Variants in PALM2AKAP2 observed in about 807,000 individuals in gnomAD.
The protein encoded by PALM2AKAP2 is PALM2 and AKAP2 fusion, also known as PALM2-AKAP2 fusion protein.
In PALM2AKAP2, 37 loss-of-function variants were observed where a neutral mutation model predicts 71.5. The ratio of observed to expected loss-of-function variants is 0.52; its 90% CI spans 0.40 to 0.68. PALM2AKAP2 has a LOEUF of 0.68. PALM2AKAP2 is among the 30% of genes least tolerant of loss of function. The pLI, the probability that PALM2AKAP2 is intolerant of heterozygous loss-of-function variation, is 0.00. For missense variants in PALM2AKAP2, 1,224 were observed against 1,191.8 expected, an observed-to-expected ratio of 1.03 and a Z score of -0.40; for synonymous variants, 468 against 478.8, an observed-to-expected ratio of 0.98 and a Z score of 0.29.
rs567959084 is a variant in PALM2AKAP2 at position 110,088,583 on chromosome 9, C to T, written c.156+39728C>T. 1.6e-4 allele frequency among the ~76,000 whole-genome samples: 24 copies of T among 151,710 alleles called. 1 individual carries two copies. The South Asian group carries it at 2.9e-3, about 18-fold the overall frequency. On this transcript the variant is annotated intron_variant, in intron 1 of 3. Transcript: ENST00000374525. Reference sequence around the variant, plus strand: ...TTTTGATTCAGTTCTAGGTAGTCAGCGTGAATTGGCTTTAGGTTCCCTGCC... The same window carrying T: ...TTTTGATTCAGTTCTAGGTAGTCAGTGTGAATTGGCTTTAGGTTCCCTGCC...
chr9:109,907,137 C>T (rs1431290901), intron 3 of PALM2AKAP2, among the ~76,000 whole-genome samples: 1 of 152,176 alleles, frequency 6.6e-6, no homozygotes, highest in Non-Finnish European at 1.5e-5. Context: ...TGCCCTGCCT[C>T]CCCACAAGCA....
At chr9:109,996,398 C>G (rs912696205) in intron 6 of PALM2AKAP2, among the ~76,000 whole-genome samples, 1 of 152,110 alleles carries the variant, frequency 6.6e-6, no homozygotes, top group Non-Finnish European at 1.5e-5. Flanking sequence ...AGGAACAGTC[C>G]CTTGAACTTG....
chr9:109,979,267 A>G (rs1181336887), intron 6 of PALM2AKAP2, among the ~76,000 whole-genome samples: 1 of 152,194 alleles, frequency 6.6e-6, no homozygotes, highest in Non-Finnish European at 1.5e-5. Context: ...TGCTGGGATT[A>G]CAAGTGTTAG....
At chr9:109,782,885 C>T (rs1210544132) in intron 1 of PALM2AKAP2, among the ~76,000 whole-genome samples, 1 of 151,980 alleles carries the variant, frequency 6.6e-6, no homozygotes, top group African/African-American at 2.4e-5. Context: ...CTAGTGCCTA[C>T]TCTTCTGAAT....
At chr9:110,048,906 G>C in intron 1 of PALM2AKAP2, 1 of 1,446,342 alleles carries the variant, frequency 6.9e-7, no homozygotes, top group Non-Finnish European at 9.0e-7. Context: ...TCGAGTGTGA[G>C]GAAGGGGTGG....
At chr9:110,045,606 C>T (rs866185925), upstream of PALM2AKAP2, among the ~76,000 whole-genome samples, 4 of 152,072 alleles carry the variant, frequency 2.6e-5, no homozygotes, top group South Asian at 2.1e-4. Flanking sequence ...CTCTCTCTGT[C>T]GCCCAGGCTG....
chr9:109,818,775 G>C (rs903975775), intron 1 of PALM2AKAP2, among the ~76,000 whole-genome samples: 2 of 152,128 alleles, frequency 1.3e-5, no homozygotes, highest in African/African-American at 4.8e-5. Flanking sequence ...TTCGAAATAA[G>C]ACTTAGGTAC....
At chr9:109,739,489 A>T (rs894084559) in intron 1 of PALM2AKAP2, among the ~76,000 whole-genome samples, 3 of 152,230 alleles carry the variant, frequency 2.0e-5, no homozygotes, top group Non-Finnish European at 4.4e-5. Context: ...GATTCAAAAC[A>T]TTCAAGAGTT....
chr9:110,146,612 G>T (rs1488101242), intron 2 of PALM2AKAP2, among the ~76,000 whole-genome samples: 1 of 152,188 alleles, frequency 6.6e-6, no homozygotes. Flanking sequence ...ATCAAAACCA[G>T]GCTTGGGAGC....
chr9:110,003,358 A>G (rs528074094), intron 6 of PALM2AKAP2, among the ~76,000 whole-genome samples: 18 of 152,262 alleles, frequency 1.2e-4, no homozygotes, highest in African/African-American at 4.1e-4. Context: ...GAGTTTCTTC[A>G]TCCTGAGTTC....
chr9:110,169,227 C>T (rs918988496), exon 4 of PALM2AKAP2: 1 of 152,554 alleles, frequency 6.6e-6, no homozygotes, highest in Non-Finnish European at 1.5e-5. Context: ...ATCGTGTCTG[C>T]TTATAATATT....
chr9:109,997,057 C>T (rs1832589572), intron 6 of PALM2AKAP2, among the ~76,000 whole-genome samples: 1 of 152,058 alleles, frequency 6.6e-6, no homozygotes, highest in Non-Finnish European at 1.5e-5. Flanking sequence ...GGCGTGGTGG[C>T]ATGTACTTAT....
intron 1 of PALM2AKAP2, among the ~76,000 whole-genome samples, chr9:109,662,600 T>G (rs1451094260): frequency 6.6e-6 from 1 of 151,348 alleles, no homozygotes; most frequent in Non-Finnish European, 1.5e-5. Flanking sequence ...TGCATCGATG[T>G]TCATCAGGGA....
intron 3 of PALM2AKAP2, 138 bp downstream of exon 10, chr9:110,162,270 G>A: frequency 7.5e-7 from 1 of 1,336,584 alleles, no homozygotes; most frequent in Non-Finnish European, 1.1e-6. Context: ...TTTTGTGCCT[G>A]TTCTGAAATA....
intron 1 of PALM2AKAP2, among the ~76,000 whole-genome samples, chr9:109,687,273 C>G (rs1299505806): frequency 6.6e-6 from 1 of 152,180 alleles, no homozygotes; most frequent in Non-Finnish European, 1.5e-5. Context: ...ATGTTGAAGT[C>G]ATGCATTGAC....
At chr9:110,094,735 G>A (rs1834796844) in intron 1 of PALM2AKAP2, among the ~76,000 whole-genome samples, 2 of 152,144 alleles carry the variant, frequency 1.3e-5, no homozygotes, top group South Asian at 4.2e-4. Flanking sequence ...CAACATTGGG[G>A]ATTACAATTC....
At chr9:109,778,980 G>C (rs767669040), upstream of PALM2AKAP2, among the ~76,000 whole-genome samples, 1 of 152,092 alleles carries the variant, frequency 6.6e-6, no homozygotes, top group African/African-American at 2.4e-5. Context: ...ATGTTGGCCA[G>C]GCTGGTCTCG....
At position 110,035,474 on chromosome 9, in the gene PALM2AKAP2, A is replaced by T. The variant is rs960186861; in HGVS notation, c.582+19435A>T. On this transcript the variant is annotated intron_variant, in intron 7 of 9. Transcript: ENST00000302798. Reference sequence around the variant, plus strand: ...ATACAGATATATGTATATATATGATATGTTGTGTGTTATATATAACATATA... The same window carrying T: ...ATACAGATATATGTATATATATGATTTGTTGTGTGTTATATATAACATATA... Among the ~76,000 whole-genome samples, 67 of 144,224 alleles carry T rather than the reference A, an allele frequency of 4.6e-4. 1 individual carries two copies. The highest frequency in any genetic ancestry group is 1.2e-4 in the Non-Finnish European group (8 of 66,700). 94.6% of individuals were successfully genotyped at this position (144,224 alleles called of 152,430 possible).
intron 7 of PALM2AKAP2, among the ~76,000 whole-genome samples, chr9:110,021,092 T>C (rs914410126): frequency 2.6e-5 from 4 of 152,124 alleles, no homozygotes; most frequent in Non-Finnish European, 4.4e-5. Context: ...GGTGACAGAG[T>C]GAGACTCTGT....
Sources: allele counts gnomAD v4.1 joint callset (sites outside exome capture counted in the v4.1 genomes callset), GRCh38; gene constraint gnomAD v4.1.1; transcripts MANE v1.5; gene names NCBI Gene and HGNC (gene_info 2026-07-23, HGNC 2026-07-21).